Variants in CNTLN observed in about 807,000 individuals in gnomAD.
CNTLN encodes the protein centlein, centrosomal protein.
In CNTLN, 212 loss-of-function variants were observed where a neutral mutation model predicts 180.0. That is an observed-to-expected ratio of 1.18 (90% CI 1.05 to 1.32). The LOEUF (loss-of-function observed/expected upper bound fraction) is 1.32. Ranked by LOEUF, CNTLN falls within the 40% of genes most tolerant of loss-of-function variation. The probability of loss-of-function intolerance (pLI) is 0.00; values close to 1 mark genes in which losing one functional copy is unlikely to be tolerated. For missense variants in CNTLN, 2,095 were observed against 1,610.9 expected, an observed-to-expected ratio of 1.30 and a Z score of -5.14; for synonymous variants, 722 against 563.1, an observed-to-expected ratio of 1.28 and a Z score of -3.99.
At chr9:17,212,112 A>T (rs753747753) in intron 2 of CNTLN, among the ~76,000 whole-genome samples, 4 of 152,138 alleles carry the variant, frequency 2.6e-5, no homozygotes, top group Non-Finnish European at 5.9e-5. Flanking sequence ...GTGGTGAGAG[A>T]GGGCATCCCT....
At chr9:17,387,951 A>G (rs1220852382) in intron 13 of CNTLN, among the ~76,000 whole-genome samples, 1 of 150,434 alleles carries the variant, frequency 6.6e-6, no homozygotes, top group Non-Finnish European at 1.5e-5. Context: ...TATACTGAAA[A>G]AAAAAAAAAA....
intron 2 of CNTLN, among the ~76,000 whole-genome samples, chr9:17,189,192 C>G (rs1382287256): frequency 6.9e-6 from 1 of 145,182 alleles, no homozygotes; most frequent in African/African-American, 2.6e-5. Context: ...ACGCCATTCT[C>G]CTGCCTCAGC....
intron 2 of CNTLN, among the ~76,000 whole-genome samples, chr9:17,159,116 T>C (rs1423017911): frequency 6.6e-6 from 1 of 152,180 alleles, no homozygotes; most frequent in Non-Finnish European, 1.5e-5. Context: ...TTCCACTTAT[T>C]TGTGAGCTTC....
chr9:17,197,331 G>T (rs982206162), intron 2 of CNTLN, among the ~76,000 whole-genome samples: 2 of 152,092 alleles, frequency 1.3e-5, no homozygotes, highest in African/African-American at 4.8e-5. Context: ...AAAGCCATTT[G>T]ACTGGAGTGA....
chr9:17,509,708 A>T, the CNTLN span, among the ~76,000 whole-genome samples: 1 of 152,126 alleles, frequency 6.6e-6, no homozygotes, highest in Non-Finnish European at 1.5e-5. Context: ...GGGTTCATGG[A>T]TCCACAAATC....
chr9:17,395,895 G>C (rs528939097), intron 15 of CNTLN, among the ~76,000 whole-genome samples: 2 of 152,286 alleles, frequency 1.3e-5, no homozygotes, highest in Non-Finnish European at 2.9e-5. Context: ...TGCATTTCCA[G>C]ATGGTTAAGG....
At chr9:17,182,526 A>T (rs1232004951) in intron 2 of CNTLN, among the ~76,000 whole-genome samples, 1 of 152,002 alleles carries the variant, frequency 6.6e-6, no homozygotes, top group Admixed American at 6.5e-5. Context: ...CTTCTAATCC[A>T]TTTTCCTGGG....
chr9:17,463,150 T>G (rs1257564735), intron 20 of CNTLN, 137 bp downstream of exon 20: 3 of 537,052 alleles, frequency 5.6e-6, no homozygotes, highest in African/African-American at 4.0e-5. Context: ...AAGATGAAAG[T>G]TTAAGGAATA....
At chr9:17,275,171 C>T (rs1828231024) in intron 6 of CNTLN, among the ~76,000 whole-genome samples, 1 of 151,982 alleles carries the variant, frequency 6.6e-6, no homozygotes. Flanking sequence ...GATTGCATAG[C>T]GTTTAGTCTT....
chr9:17,476,456 A>T (rs189022518), intron 23 of CNTLN, among the ~76,000 whole-genome samples: 15 of 152,360 alleles, frequency 9.8e-5, no homozygotes, highest in Admixed American at 5.2e-4. Flanking sequence ...GGCATGTCAA[A>T]AGCTGAGATA....
rs1272921246 is a variant in CNTLN, at chr9:17,273,815, G to A, written c.932G>A (p.Ser311Asn). 1.3e-6 allele frequency: 2 copies of A among 1,574,952 alleles called. No homozygotes were observed. The highest frequency in any genetic ancestry group is 4.7e-5 in the East Asian group (2 of 42,842). ...TACAATGCTCTATCATTACAGTTGAGTAATAAACAGACTGAACTTATCCAG... is the reference window on the plus strand; with the variant it reads ...TACAATGCTCTATCATTACAGTTGAATAATAAACAGACTGAACTTATCCAG... The part of the protein sequence containing the change: ...SKYNALSLQL[S>N]NKQTELIQKD... Residue 311 changes from serine to asparagine, a missense_variant, in exon 6 of 26, where the codon AGT (serine) becomes AAT (asparagine). By Grantham distance (46) the Ser-to-Asn change is conservative. Transcript: ENST00000380647.
At chr9:17,283,332 C>G (rs1244510330) in intron 6 of CNTLN, among the ~76,000 whole-genome samples, 1 of 152,000 alleles carries the variant, frequency 6.6e-6, no homozygotes, top group Non-Finnish European at 1.5e-5. Flanking sequence ...AGCTGTATTC[C>G]TAGGCATTTT....
At chr9:17,227,340 A>C (rs1824537678) in intron 3 of CNTLN, among the ~76,000 whole-genome samples, 1 of 151,994 alleles carries the variant, frequency 6.6e-6, no homozygotes, top group African/African-American at 2.4e-5. Flanking sequence ...AATATGTAAA[A>C]TTACGTGTGA....
chr9:17,492,245 A>C (rs1206867679), intron 25 of CNTLN, among the ~76,000 whole-genome samples: 1 of 151,880 alleles, frequency 6.6e-6, no homozygotes, highest in African/African-American at 2.4e-5. Context: ...CTACAATATC[A>C]GTTTTTTCTT....
chr9:17,477,471 A>G (rs562633206), intron 23 of CNTLN, among the ~76,000 whole-genome samples: 1 of 152,350 alleles, frequency 6.6e-6, no homozygotes, highest in Non-Finnish European at 1.5e-5. Context: ...AGGATTCACC[A>G]TTCTAGATGC....
intron 10 of CNTLN, among the ~76,000 whole-genome samples, chr9:17,337,210 C>G (rs1821109329): frequency 6.6e-6 from 1 of 151,510 alleles, no homozygotes; most frequent in South Asian, 2.1e-4. Context: ...TGGATATTAG[C>G]CCTTTGTCAG....
chr9:17,314,663 G>T lies in CNTLN; in HGVS notation c.1341+5411G>T, dbSNP rs542884872. On this transcript the variant is annotated intron_variant, in intron 8 of 25. Coordinates refer to ENST00000380647, the MANE Select transcript of CNTLN (RefSeq NM_017738.4). ...TCTCCTAACGTTATTTCTGTTGTGG[G>T]CCTTGCTAAGGTAAAAATTCATCAG... 4.6e-5 allele frequency among the ~76,000 whole-genome samples: 7 copies of T among 152,276 alleles called. No individual in the cohort carries two copies. The South Asian group carries it at 1.5e-3, about 32-fold the overall frequency.
chr9:17,324,152 T>TG (rs1160675137), intron 8 of CNTLN, among the ~76,000 whole-genome samples: 16 of 152,316 alleles, frequency 1.1e-4, no homozygotes, highest in African/African-American at 3.8e-4. Context: ...GTTTTACTGG[T>TG]GACATAAGTG....
rs779762799 is a variant in CNTLN at position 17,416,052 on chromosome 9, C to T, written c.2977C>T (p.Gln993Ter). 6.2e-7 allele frequency: 1 copy of T among 1,613,446 alleles called. No homozygotes were observed. Among genetic ancestry groups the T allele is most frequent in the South Asian group, 1.1e-5 (1 of 91,042 alleles). ...ACGAGAACGGATTATATCCTTGCAACAACAAAACAGTGTACTTCAGAATGC... is the reference window on the plus strand; with the variant it reads ...ACGAGAACGGATTATATCCTTGCAATAACAAAACAGTGTACTTCAGAATGC... ...LLRERIISLQ[Q>*]QNSVLQNAKK... Residue 993 changes from glutamine (Q) to a stop codon, truncating the protein, a stop_gained, in exon 18 of 26, where the codon CAA becomes TAA. Coordinates refer to ENST00000380647, the MANE Select transcript of CNTLN (RefSeq NM_017738.4). LOFTEE classifies it high-confidence loss of function.
Sources: gnomAD v4.1 joint callset for allele counts (sites outside exome capture counted in the v4.1 genomes callset) on GRCh38, gnomAD v4.1.1 for gene constraint, MANE v1.5 for transcripts, NCBI Gene and HGNC (gene_info 2026-07-23, HGNC 2026-07-21) for gene names.